NRG3: variants seen among roughly 807,000 people sequenced by gnomAD.
NRG3 encodes neuregulin 3.
A neutral mutation model predicts 66.9 loss-of-function variants in NRG3; 31 were observed. The ratio of observed to expected loss-of-function variants is 0.46; its 90% CI spans 0.35 to 0.63. The LOEUF (loss-of-function observed/expected upper bound fraction) is 0.63. Ranked by LOEUF, NRG3 falls within the 20% of genes least tolerant of loss-of-function variation. The pLI, the probability that NRG3 is intolerant of heterozygous loss-of-function variation, is 0.00. For synonymous variants in NRG3, 393 were observed against 359.4 expected (o/e 1.09, Z -1.06); for missense variants, 910 against 878.9 (o/e 1.04, Z -0.45).
At chr10:82,504,966 C>G (rs1183775601) in intron 2 of NRG3, among the ~76,000 whole-genome samples, 1 of 151,804 alleles carries the variant, frequency 6.6e-6, no homozygotes, top group Non-Finnish European at 1.5e-5. Flanking sequence ...AGAAAGGGAA[C>G]CAAAATGGAA....
Position 82,821,282 on chromosome 10 carries a change from G to A in NRG3, c.1028-44129G>A, listed in dbSNP as rs562154059. On this transcript the variant is annotated intron_variant, in intron 3 of 8. Transcript: ENST00000372141. Reference sequence around the variant, plus strand: ...CCCTACTGCCCTTTTGTAAGTGTAAGACATCATTTCCTCTCAACTGCATAA... The same window carrying A: ...CCCTACTGCCCTTTTGTAAGTGTAAAACATCATTTCCTCTCAACTGCATAA... 4.0e-4 allele frequency among the ~76,000 whole-genome samples: 61 copies of A among 152,194 alleles called. 1 individual carries two copies. The highest frequency in any genetic ancestry group is 1.3e-3 in the African/African-American group (54 of 41,530).
intron 3 of NRG3, among the ~76,000 whole-genome samples, chr10:82,847,730 C>T (rs1435363199): frequency 6.6e-6 from 1 of 152,190 alleles, no homozygotes; most frequent in Non-Finnish European, 1.5e-5. Flanking sequence ...CCGACCATGT[C>T]TTCAACACTT....
chr10:82,344,515 A>C (rs2082876588), intron 1 of NRG3, among the ~76,000 whole-genome samples: 1 of 146,856 alleles, frequency 6.8e-6, no homozygotes, highest in Non-Finnish European at 1.5e-5. Flanking sequence ...ATAATGCCGC[A>C]ATAAACATAC....
chr10:82,509,717 A>G (rs1382151704), intron 2 of NRG3, among the ~76,000 whole-genome samples: 3 of 152,194 alleles, frequency 2.0e-5, no homozygotes, highest in Non-Finnish European at 2.9e-5. Flanking sequence ...ACATGTGATA[A>G]AATACACATA....
chr10:82,193,850 T>G (rs181398105), intron 1 of NRG3, among the ~76,000 whole-genome samples: 2 of 152,290 alleles, frequency 1.3e-5, no homozygotes, highest in African/African-American at 4.8e-5. Context: ...ACCGTAGATA[T>G]AAATGTTGAG....
chr10:82,157,097 T>A (rs189069075), intron 1 of NRG3, among the ~76,000 whole-genome samples: 80 of 151,800 alleles, frequency 5.3e-4, no homozygotes, highest in Admixed American at 1.9e-3. Flanking sequence ...TTTGGGTATC[T>A]TTGAATGTAC....
intron 2 of NRG3, among the ~76,000 whole-genome samples, chr10:82,523,166 G>A (rs1457883496): frequency 2.0e-5 from 3 of 152,118 alleles, no homozygotes; most frequent in Non-Finnish European, 2.9e-5. Context: ...ATCACTTGAT[G>A]GACATTTGAG....
chr10:82,179,630 T>C (rs1198974662), intron 1 of NRG3, among the ~76,000 whole-genome samples: 1 of 151,952 alleles, frequency 6.6e-6, no homozygotes, highest in Admixed American at 6.6e-5. Flanking sequence ...AGTACCATAT[T>C]TTTTTATTAC....
intron 1 of NRG3, among the ~76,000 whole-genome samples, chr10:82,213,799 G>A (rs1443107819): frequency 1.3e-5 from 2 of 152,172 alleles, no homozygotes; most frequent in Non-Finnish European, 2.9e-5. Flanking sequence ...AGAAACAGAA[G>A]ACACAACAAA....
intron 2 of NRG3, among the ~76,000 whole-genome samples, chr10:82,718,474 G>A (rs550721596): frequency 6.6e-6 from 1 of 152,222 alleles, no homozygotes; most frequent in South Asian, 2.1e-4. Flanking sequence ...GACATCTGTG[G>A]ACAAAAGAAA....
intron 1 of NRG3, among the ~76,000 whole-genome samples, chr10:82,025,063 C>G (rs1015223248): frequency 6.6e-6 from 1 of 151,870 alleles, no homozygotes; most frequent in African/African-American, 2.4e-5. Context: ...TTCCAGCACT[C>G]TTTGAAAAAA....
At chr10:82,543,611 G>T (rs994211830) in intron 2 of NRG3, among the ~76,000 whole-genome samples, 4 of 152,080 alleles carry the variant, frequency 2.6e-5, no homozygotes, top group African/African-American at 9.7e-5. Context: ...ATAAAACTCA[G>T]GTTCCACTGT....
intron 2 of NRG3, among the ~76,000 whole-genome samples, chr10:82,378,522 C>G (rs998272775): frequency 1.2e-4 from 18 of 151,848 alleles, no homozygotes; most frequent in African/African-American, 4.4e-4. Context: ...TTCCTTCCTT[C>G]CCTCCATTCC....
chr10:82,175,214 G>T (rs1385464963), intron 1 of NRG3, among the ~76,000 whole-genome samples: 1 of 152,106 alleles, frequency 6.6e-6, no homozygotes, highest in Admixed American at 6.6e-5. Flanking sequence ...GGGATGATTG[G>T]CTTCAAGCTG....
chr10:81,921,800 A>G (rs1452839915), intron 1 of NRG3, among the ~76,000 whole-genome samples: 1 of 152,088 alleles, frequency 6.6e-6, no homozygotes, highest in East Asian at 1.9e-4. Context: ...TGAAATTTAG[A>G]CTTATTTGTT....
At chr10:82,072,065 G>T (rs958474642) in intron 1 of NRG3, among the ~76,000 whole-genome samples, 1 of 151,972 alleles carries the variant, frequency 6.6e-6, no homozygotes, top group Non-Finnish European at 1.5e-5. Flanking sequence ...ACTCCTGTAG[G>T]GTGTGTGTAT....
At chr10:82,262,071 G>C (rs2078058901) in intron 1 of NRG3, among the ~76,000 whole-genome samples, 2 of 152,168 alleles carry the variant, frequency 1.3e-5, no homozygotes, top group African/African-American at 4.8e-5. Flanking sequence ...AGGAGCAAAT[G>C]CTGGAGCCAT....
At chr10:82,854,199 T>G (rs972050995) in intron 3 of NRG3, among the ~76,000 whole-genome samples, 5 of 152,168 alleles carry the variant, frequency 3.3e-5, no homozygotes, top group Non-Finnish European at 7.3e-5. Context: ...TAAATGGAGA[T>G]CCCATCATCA....
intron 1 of NRG3, among the ~76,000 whole-genome samples, chr10:82,246,548 T>C (rs1232080536): frequency 6.6e-6 from 1 of 152,212 alleles, no homozygotes. Context: ...TAATTACTGC[T>C]TTCCTGGTTA....
Sources: gnomAD v4.1 joint callset for allele counts (sites outside exome capture counted in the v4.1 genomes callset) on GRCh38, gnomAD v4.1.1 for gene constraint, MANE v1.5 for transcripts, NCBI Gene and HGNC (gene_info 2026-07-23, HGNC 2026-07-21) for gene names.